The following FGGY variants were observed in gnomAD, a reference collection of about 807,000 sequenced individuals.
The protein encoded by FGGY is FGGY carbohydrate kinase domain-containing protein.
FGGY carries 72 observed loss-of-function variants against 71.3 expected under a neutral mutation model. The ratio of observed to expected loss-of-function variants is 1.01; its 90% CI spans 0.84 to 1.23. FGGY has a LOEUF of 1.23. Ranked by LOEUF, FGGY falls within the 50% of genes most tolerant of loss-of-function variation. FGGY has a pLI of 0.00. For missense variants in FGGY, 668 were observed against 682.3 expected (o/e 0.98, Z 0.23); for synonymous variants, 251 against 250.3 (o/e 1.00, Z -0.02).
intron 6 of FGGY, among the ~76,000 whole-genome samples, chr1:59,464,298 C>A (rs981096726): frequency 5.3e-5 from 8 of 152,086 alleles, no homozygotes; most frequent in African/African-American, 1.4e-4. Context: ...GTGGAAATAA[C>A]GATGTTCTTT....
At chr1:59,536,648 A>G (rs2153677063) in intron 7 of FGGY, among the ~76,000 whole-genome samples, 1 of 152,356 alleles carries the variant, frequency 6.6e-6, no homozygotes, top group Non-Finnish European at 1.5e-5. Context: ...CAAAAAGCTT[A>G]TCCACCATGA....
At chr1:59,359,271 T>G (rs1387051821) in intron 4 of FGGY, among the ~76,000 whole-genome samples, 3 of 152,222 alleles carry the variant, frequency 2.0e-5, no homozygotes, top group African/African-American at 7.2e-5. Flanking sequence ...AAATCCCAGA[T>G]AACACATTTG....
rs541028250 is a variant in FGGY, at chr1:59,492,809, CCT to C, written c.671-19499_671-19498del. Among the ~76,000 whole-genome samples the C allele has an allele frequency of 1.4e-3, 211 of 151,952 alleles. 1 individual carries two copies. Among genetic ancestry groups the C allele is most frequent in the African/African-American group, 4.8e-3 (201 of 41,444 alleles). On this transcript the variant is annotated intron_variant, in intron 6 of 15. Coordinates refer to ENST00000303721, the MANE Select transcript of FGGY (RefSeq NM_018291.5). ...TCAGCCAGTTTTACTATTTTCAGTC[CCT>C]CTTTACTCTCACTTCTAGAGATATC...
At chr1:59,712,212 G>A (rs1175854283) in intron 14 of FGGY, among the ~76,000 whole-genome samples, 3 of 152,178 alleles carry the variant, frequency 2.0e-5, no homozygotes, top group Non-Finnish European at 4.4e-5. Flanking sequence ...GATCTCCTTT[G>A]ACTGTGTCTC....
chr1:59,453,354 T>G (rs2091378730), intron 5 of FGGY, among the ~76,000 whole-genome samples: 1 of 152,178 alleles, frequency 6.6e-6, no homozygotes, highest in African/African-American at 2.4e-5. Flanking sequence ...TTCCCTTTAT[T>G]GGGGAAAAAA....
At chr1:59,610,771 A>G (rs1191538752) in intron 9 of FGGY, among the ~76,000 whole-genome samples, 1 of 152,238 alleles carries the variant, frequency 6.6e-6, no homozygotes, top group African/African-American at 2.4e-5. Flanking sequence ...AGCCAAGGAA[A>G]GCCATGACAG....
intron 14 of FGGY, among the ~76,000 whole-genome samples, chr1:59,707,764 T>A (rs1021393169): frequency 6.6e-6 from 1 of 152,126 alleles, no homozygotes; most frequent in Non-Finnish European, 1.5e-5. Context: ...GATACGAGAA[T>A]CAGCAGATGA....
intron 7 of FGGY, among the ~76,000 whole-genome samples, chr1:59,537,640 A>G (rs2153679992): frequency 6.6e-6 from 1 of 152,190 alleles, no homozygotes; most frequent in East Asian, 1.9e-4. Context: ...TACTGGTACC[A>G]AAACAGAAAT....
At chr1:59,646,648 G>GCA (rs2097097342) in intron 11 of FGGY, among the ~76,000 whole-genome samples, 1 of 152,026 alleles carries the variant, frequency 6.6e-6, no homozygotes, top group African/African-American at 2.4e-5. Flanking sequence ...GGCACCTGAT[G>GCA]CACCAGGCAC....
intron 8 of FGGY, among the ~76,000 whole-genome samples, chr1:59,572,531 A>G (rs1048796198): frequency 6.6e-6 from 1 of 152,166 alleles, no homozygotes; most frequent in Non-Finnish European, 1.5e-5. Context: ...CAAAGGATGG[A>G]AATAATTCCA....
chr1:59,392,768 G>A (rs1282815903), intron 5 of FGGY, among the ~76,000 whole-genome samples: 2 of 151,086 alleles, frequency 1.3e-5, no homozygotes, highest in Non-Finnish European at 2.9e-5. Context: ...CTTCTTCTCT[G>A]TAAATTATCA....
chr1:59,493,422 G>T (rs1325249662), intron 6 of FGGY, among the ~76,000 whole-genome samples: 1 of 141,170 alleles, frequency 7.1e-6, no homozygotes, highest in Non-Finnish European at 1.6e-5. Flanking sequence ...GATAAAATGT[G>T]ATATATACAC....
intron 1 of FGGY, among the ~76,000 whole-genome samples, chr1:59,313,705 A>C (rs2044815958): frequency 6.6e-6 from 1 of 152,226 alleles, no homozygotes; most frequent in South Asian, 2.1e-4. Context: ...TAACTCAGGA[A>C]TGGAAAACCA....
intron 5 of FGGY, among the ~76,000 whole-genome samples, chr1:59,423,240 T>C (rs1057263951): frequency 6.6e-6 from 1 of 152,182 alleles, no homozygotes; most frequent in African/African-American, 2.4e-5. Context: ...GAATGCCTGG[T>C]ATGATCTCTG....
chr1:59,487,642 C>T (rs907475122), intron 6 of FGGY, among the ~76,000 whole-genome samples: 10 of 152,206 alleles, frequency 6.6e-5, no homozygotes, highest in African/African-American at 2.4e-4. Flanking sequence ...GAGCTAAAAC[C>T]TGCCTGGGCT....
At chr1:59,472,666 G>A (rs971932567) in intron 6 of FGGY, among the ~76,000 whole-genome samples, 1 of 152,210 alleles carries the variant, frequency 6.6e-6, no homozygotes, top group Non-Finnish European at 1.5e-5. Flanking sequence ...CCTGTGTCTA[G>A]CTCAGGGTTT....
At chr1:59,325,059 T>C (rs746724229) in intron 2 of FGGY, among the ~76,000 whole-genome samples, 3 of 152,162 alleles carry the variant, frequency 2.0e-5, no homozygotes, top group Admixed American at 6.5e-5. Context: ...TCCCACCTTA[T>C]AAAGTAAGCT....
At chr1:59,296,870 C>T (rs1025114234), upstream of FGGY, 3 of 152,344 alleles carry the variant, frequency 2.0e-5, no homozygotes, top group African/African-American at 7.2e-5. Context: ...GTGCAGAATC[C>T]GTCTAGCTAA....
intron 5 of FGGY, among the ~76,000 whole-genome samples, chr1:59,447,862 G>A (rs552148683): frequency 6.6e-6 from 1 of 152,238 alleles, no homozygotes; most frequent in Admixed American, 6.5e-5. Flanking sequence ...TGTGAAAATG[G>A]ACTAATACAT....
Sources: gnomAD v4.1 joint callset for allele counts (sites outside exome capture counted in the v4.1 genomes callset) on GRCh38, gnomAD v4.1.1 for gene constraint, MANE v1.5 for transcripts, NCBI Gene and HGNC (gene_info 2026-07-23, HGNC 2026-07-21) for gene names.